The following INSYN2A variants were observed in gnomAD, a reference collection of about 807,000 sequenced individuals.
INSYN2A encodes family with sequence similarity 196 member A.
In INSYN2A, 17 loss-of-function variants were observed where a neutral mutation model predicts 39.4. The observed-to-expected ratio is 0.43, with a 90% CI of 0.30 to 0.65. INSYN2A has a LOEUF of 0.65. Ranked by LOEUF, INSYN2A falls within the 30% of genes least tolerant of loss-of-function variation. INSYN2A has a pLI of 0.14. For missense variants in INSYN2A, 595 were observed against 631.2 expected, an observed-to-expected ratio of 0.94 and a Z score of 0.61; for synonymous variants, 255 against 265.7, an observed-to-expected ratio of 0.96 and a Z score of 0.39.
intron 4 of INSYN2A, among the ~76,000 whole-genome samples, chr10:127,168,383 C>T (rs1287739100): frequency 4.6e-5 from 7 of 152,248 alleles, no homozygotes. Context: ...CACAGGAGAG[C>T]ATTTGGCAGC....
At chr10:127,169,349 C>T (rs1363675130) in intron 4 of INSYN2A, among the ~76,000 whole-genome samples, 1 of 152,212 alleles carries the variant, frequency 6.6e-6, no homozygotes, top group Non-Finnish European at 1.5e-5. Flanking sequence ...TTGCCTGGCA[C>T]AGTGTCCATC....
chr10:127,168,390 C>T (rs993441823), intron 4 of INSYN2A, among the ~76,000 whole-genome samples: 2 of 152,244 alleles, frequency 1.3e-5, no homozygotes, highest in African/African-American at 2.4e-5. Flanking sequence ...GAGCATTTGG[C>T]AGCAACAACC....
chr10:127,178,883 C>G (rs1179934488), intron 2 of INSYN2A, among the ~76,000 whole-genome samples: 1 of 152,094 alleles, frequency 6.6e-6, no homozygotes, highest in Non-Finnish European at 1.5e-5. Flanking sequence ...GCACACAAGA[C>G]AGCTTGGTGT....
intron 5 of INSYN2A, among the ~76,000 whole-genome samples, chr10:127,144,103 C>T (rs1263792140): frequency 6.6e-6 from 1 of 152,156 alleles, no homozygotes; most frequent in Non-Finnish European, 1.5e-5. Flanking sequence ...TGCTCTAGTC[C>T]AGAACTCCAG....
chr10:127,150,225 T>C (rs1439936696), intron 5 of INSYN2A, among the ~76,000 whole-genome samples: 1 of 152,238 alleles, frequency 6.6e-6, no homozygotes, highest in East Asian at 1.9e-4. Flanking sequence ...CACTGGGTTC[T>C]GAACACTTTT....
chr10:127,163,452 A>G (rs1193661476), intron 4 of INSYN2A, among the ~76,000 whole-genome samples: 1 of 152,138 alleles, frequency 6.6e-6, no homozygotes, highest in Non-Finnish European at 1.5e-5. Context: ...CCGGGCGGGC[A>G]AACTTTCAGT....
chr10:127,139,485 G>A, intron 5 of INSYN2A, among the ~76,000 whole-genome samples: 1 of 151,990 alleles, frequency 6.6e-6, no homozygotes, highest in Non-Finnish European at 1.5e-5. Flanking sequence ...GAGCCTCTTT[G>A]AGTTATGCTC....
chr10:127,158,074 A>G (rs1035849171), intron 4 of INSYN2A, among the ~76,000 whole-genome samples: 1 of 152,204 alleles, frequency 6.6e-6, no homozygotes, highest in Non-Finnish European at 1.5e-5. Flanking sequence ...GGCTTCACTG[A>G]TAATTTTATG....
intron 4 of INSYN2A, among the ~76,000 whole-genome samples, chr10:127,154,503 A>G (rs2133535864): frequency 6.6e-6 from 1 of 152,394 alleles, no homozygotes; most frequent in South Asian, 2.1e-4. Context: ...TTTACTTTTG[A>G]AAATAAAATG....
At chr10:127,143,095 C>G (rs1363207940) in intron 5 of INSYN2A, among the ~76,000 whole-genome samples, 2 of 152,212 alleles carry the variant, frequency 1.3e-5, no homozygotes, top group Non-Finnish European at 2.9e-5. Flanking sequence ...TTGTCTCATG[C>G]TCCTATAAAT....
chr10:127,163,308 C>T (rs1322914454), intron 4 of INSYN2A, among the ~76,000 whole-genome samples: 1 of 152,062 alleles, frequency 6.6e-6, no homozygotes, highest in African/African-American at 2.4e-5. Flanking sequence ...TCCCACCTCT[C>T]CCTCCCTCCC....
chr10:127,148,980 G>T (rs1428193555), intron 5 of INSYN2A, among the ~76,000 whole-genome samples: 1 of 152,120 alleles, frequency 6.6e-6, no homozygotes, highest in African/African-American at 2.4e-5. Context: ...TGGTACTTGG[G>T]GTTTCAGTGG....
intron 5 of INSYN2A, among the ~76,000 whole-genome samples, chr10:127,146,312 C>T (rs775826793): frequency 1.3e-5 from 2 of 152,130 alleles, no homozygotes; most frequent in Non-Finnish European, 2.9e-5. Flanking sequence ...GTTTTAGTTA[C>T]AGTTAATGGC....
intron 4 of INSYN2A, among the ~76,000 whole-genome samples, chr10:127,168,008 A>G (rs968966183): frequency 2.0e-5 from 3 of 152,182 alleles, no homozygotes; most frequent in African/African-American, 7.2e-5. Flanking sequence ...CTCTTTGTCC[A>G]TAATTCATTT....
Position 127,175,140 on chromosome 10 carries a change from G to T in INSYN2A, c.1184+72C>A. 1 of 1,339,402 alleles carries T rather than the reference G, an allele frequency of 7.5e-7. No homozygotes were observed. The highest frequency in any genetic ancestry group is 1.0e-6 in the Non-Finnish European group (1 of 959,770). 83.0% of individuals were successfully genotyped at this position (1,339,402 alleles called of 1,614,324 possible). A position where few individuals can be genotyped will look rare whatever the true frequency, so the allele number is the denominator to read the frequency against. On this transcript the variant is annotated intron_variant, in intron 4 of 5. Transcript: ENST00000522781. The surrounding 1 kb of genome is among the most constrained non-coding windows in gnomAD (Gnocchi z 6.3). ...GGCTTTAGTCTCATTACAGACTTGG[G>T]TTTGGGGCTACAGATGGACTCTGTG...
intron 4 of INSYN2A, among the ~76,000 whole-genome samples, chr10:127,156,254 A>C (rs553194717): frequency 6.6e-6 from 1 of 152,210 alleles, no homozygotes; most frequent in South Asian, 2.1e-4. Flanking sequence ...TGCTAGCCCC[A>C]CTTACAGAGG....
rs2057113961 is a variant in INSYN2A, at chr10:127,196,053, C to T, written c.-451G>A. On this transcript the variant is annotated 5_prime_UTR_variant, in exon 1 of 6. Coordinates refer to ENST00000522781, the MANE Select transcript of INSYN2A (RefSeq NM_001039762.3). ...TGCAGCGCCTGGCTCGGGCATGTCT[C>T]GCTGCGGACCCTGGCAAGCCTGGGG... is the stretch of plus-strand genomic sequence containing the variant. 1 of 152,108 alleles carries T rather than the reference C, an allele frequency of 6.6e-6. No individual in the cohort carries two copies. The highest frequency in any genetic ancestry group is 2.4e-5 in the African/African-American group (1 of 41,438). The allele number at this position is 152,108 out of a possible 1,614,324, so 9.4% of individuals were successfully genotyped here. A position where few individuals can be genotyped will look rare whatever the true frequency, so the allele number is the denominator to read the frequency against.
At chr10:127,161,328 C>A (rs2053576592) in intron 4 of INSYN2A, among the ~76,000 whole-genome samples, 1 of 152,168 alleles carries the variant, frequency 6.6e-6, no homozygotes, top group African/African-American at 2.4e-5. Flanking sequence ...CCCAGGATCA[C>A]CCCTTCATTA....
chr10:127,138,709 C>T (rs1337634021), intron 5 of INSYN2A, among the ~76,000 whole-genome samples: 1 of 152,192 alleles, frequency 6.6e-6, no homozygotes, highest in Non-Finnish European at 1.5e-5. Context: ...TTCCATCACT[C>T]AAGCCATGGC....
Sources: gnomAD v4.1 joint callset for allele counts (sites outside exome capture counted in the v4.1 genomes callset) on GRCh38, gnomAD v4.1.1 for gene constraint, Gnocchi (gnomAD v3.1) non-coding constraint, MANE v1.5 for transcripts, NCBI Gene and HGNC (gene_info 2026-07-23, HGNC 2026-07-21) for gene names.